AGBL1: variants seen among roughly 807,000 people sequenced by gnomAD.
AGBL1 encodes AGBL carboxypeptidase 1, also known as cytosolic carboxypeptidase 4.
AGBL1 carries 130 observed loss-of-function variants against 118.9 expected under a neutral mutation model. The observed-to-expected ratio is 1.09, with a 90% CI of 0.95 to 1.26. The LOEUF (loss-of-function observed/expected upper bound fraction) is 1.26, where lower values mean the gene tolerates loss of function less well. Ranked by LOEUF, AGBL1 falls within the 50% of genes most tolerant of loss-of-function variation. AGBL1 has a pLI of 0.00. For missense variants in AGBL1, 1,584 were observed against 1,298.1 expected, an observed-to-expected ratio of 1.22 and a Z score of -3.38; for synonymous variants, 555 against 478.9, an observed-to-expected ratio of 1.16 and a Z score of -2.08.
intron 18 of AGBL1, among the ~76,000 whole-genome samples, chr15:86,456,908 A>G (rs1383304925): frequency 6.6e-6 from 1 of 152,194 alleles, no homozygotes; most frequent in Non-Finnish European, 1.5e-5. Context: ...ACATTTGAAT[A>G]TCTTCAAAAA....
chr15:86,884,689 G>A (rs78611520), intron 22 of AGBL1, among the ~76,000 whole-genome samples: 5,078 of 152,222 alleles, frequency 0.033, 275 homozygotes, highest in African/African-American at 0.12. Flanking sequence ...GTGTGCACCT[G>A]TAATCCCAGC....
intron 13 of AGBL1, among the ~76,000 whole-genome samples, chr15:86,267,529 C>A (rs142967643): frequency 6.6e-6 from 1 of 152,064 alleles, no homozygotes; most frequent in East Asian, 1.9e-4. Flanking sequence ...ACTTAGGTGG[C>A]AAAAATCATG....
intron 21 of AGBL1, among the ~76,000 whole-genome samples, chr15:86,581,532 A>T (rs930649941): frequency 6.6e-6 from 1 of 152,196 alleles, no homozygotes; most frequent in African/African-American, 2.4e-5. Flanking sequence ...TTGACTTCCA[A>T]ATTGGATCAT....
At chr15:86,178,962 G>A (rs1323779553) in intron 5 of AGBL1, among the ~76,000 whole-genome samples, 1 of 152,182 alleles carries the variant, frequency 6.6e-6, no homozygotes, top group South Asian at 2.1e-4. Flanking sequence ...TGGGGCCAAA[G>A]GCTTTTCCCA....
At chr15:87,021,029 C>A (rs1355761735) in intron 24 of AGBL1, among the ~76,000 whole-genome samples, 1 of 151,858 alleles carries the variant, frequency 6.6e-6, no homozygotes, top group Non-Finnish European at 1.5e-5. Context: ...CAAAAAAGAG[C>A]CCATATAGCC....
At chr15:86,903,103 C>T (rs527912578) in intron 22 of AGBL1, among the ~76,000 whole-genome samples, 62 of 151,986 alleles carry the variant, frequency 4.1e-4, no homozygotes, top group Non-Finnish European at 6.3e-4. Flanking sequence ...TCTATTTTCA[C>T]GTTTTTGTTC....
chr15:86,884,095 CT>C lies in AGBL1; in HGVS notation c.3159-22989del, dbSNP rs1336858098. Among the ~76,000 whole-genome samples, 3 of 152,194 alleles carry C rather than the reference CT, an allele frequency of 2.0e-5. No homozygotes were observed. The East Asian group carries it at 5.8e-4, about 29-fold the overall frequency. Reference sequence around the variant, plus strand: ...TTTTCTTTCCTCATTAAGTTGAGAACTTTCACCTTTTGACCTTACTACTACT... The same window carrying C: ...TTTTCTTTCCTCATTAAGTTGAGAACTTCACCTTTTGACCTTACTACTACT... On this transcript the variant is annotated intron_variant, in intron 22 of 22. Transcript: ENST00000614907.
chr15:86,960,230 T>G (rs539671786), intron 23 of AGBL1, among the ~76,000 whole-genome samples: 1 of 152,206 alleles, frequency 6.6e-6, no homozygotes, highest in South Asian at 2.1e-4. Context: ...GGCTCTTAGT[T>G]TTTATTCTAT....
chr15:86,812,418 A>G (rs1223530208), intron 22 of AGBL1, among the ~76,000 whole-genome samples: 2 of 152,216 alleles, frequency 1.3e-5, no homozygotes, highest in Non-Finnish European at 2.9e-5. Flanking sequence ...TAGAATTCTC[A>G]ACTTTGCTTT....
At chr15:86,464,632 G>A (rs2082377106) in intron 18 of AGBL1, among the ~76,000 whole-genome samples, 2 of 152,132 alleles carry the variant, frequency 1.3e-5, no homozygotes, top group African/African-American at 4.8e-5. Flanking sequence ...CTAGTTTATT[G>A]AGAGTTTTTA....
At chr15:86,717,651 C>T (rs553499686) in intron 22 of AGBL1, among the ~76,000 whole-genome samples, 1 of 152,242 alleles carries the variant, frequency 6.6e-6, no homozygotes, top group East Asian at 1.9e-4. Context: ...GCTTGGCTCC[C>T]TGGAAGCATG....
chr15:86,686,045 C>G (rs552359339), intron 22 of AGBL1, among the ~76,000 whole-genome samples: 1 of 152,228 alleles, frequency 6.6e-6, no homozygotes, highest in South Asian at 2.1e-4. Flanking sequence ...ACTAGTTAGC[C>G]TGCCTTTGTT....
intron 18 of AGBL1, among the ~76,000 whole-genome samples, chr15:86,402,226 G>A (rs572660001): frequency 6.9e-4 from 104 of 150,608 alleles, no homozygotes; most frequent in Non-Finnish European, 1.0e-3. Flanking sequence ...TTTTACAGCT[G>A]TTGCAAAAGT....
chr15:86,161,013 C>T (rs1312273953), intron 5 of AGBL1, among the ~76,000 whole-genome samples: 2 of 152,176 alleles, frequency 1.3e-5, no homozygotes, highest in African/African-American at 4.8e-5. Context: ...ATTTTTAATG[C>T]TTTCTTTTCC....
rs1555445292 is a variant in AGBL1 at position 86,191,369 on chromosome 15, A to AG, written c.488+32343_488+32344insG. On this transcript the variant is annotated intron_variant, in intron 5 of 22. Transcript: ENST00000614907. Reference sequence around the variant, plus strand: ...GTCTCAAAAAAAAAAAAAAAAAAAAAAGAGAGAGAGAGAAATTAAGAGCAC... The same window carrying AG: ...GTCTCAAAAAAAAAAAAAAAAAAAAAGAGAGAGAGAGAGAAATTAAGAGCAC... 6.9e-5 allele frequency among the ~76,000 whole-genome samples: 10 copies of AG among 145,146 alleles called. No individual in the cohort carries two copies. In the East Asian group the frequency reaches 8.8e-4, roughly 13 times the overall value.
intron 17 of AGBL1, among the ~76,000 whole-genome samples, chr15:86,324,402 A>G (rs1486025726): frequency 3.3e-5 from 5 of 152,238 alleles, no homozygotes. Context: ...GGTGGAGTAG[A>G]CAAAGGGCCT....
downstream of AGBL1, among the ~76,000 whole-genome samples, chr15:87,031,332 TAGAG>T (rs372319384): frequency 5.3e-3 from 804 of 151,956 alleles, 9 homozygotes; most frequent in African/African-American, 0.017. Context: ...TTAACAGAAA[TAGAG>T]AGATATTTCT....
At chr15:86,675,462 A>G (rs754099685) in intron 22 of AGBL1, among the ~76,000 whole-genome samples, 1 of 152,134 alleles carries the variant, frequency 6.6e-6, no homozygotes, top group Non-Finnish European at 1.5e-5. Flanking sequence ...ACCTAAATGC[A>G]GTAATTAACT....
intron 22 of AGBL1, among the ~76,000 whole-genome samples, chr15:86,810,653 G>C (rs1468466890): frequency 2.0e-5 from 3 of 152,134 alleles, no homozygotes; most frequent in Admixed American, 2.0e-4. Context: ...CTTGAGTTCA[G>C]AGTTCTCTCT....
Sources: gnomAD v4.1 joint callset for allele counts (sites outside exome capture counted in the v4.1 genomes callset) on GRCh38, gnomAD v4.1.1 for gene constraint, MANE v1.5 for transcripts, NCBI Gene and HGNC (gene_info 2026-07-23, HGNC 2026-07-21) for gene names.